The following GABRB2 variants were observed in gnomAD, a reference collection of about 807,000 sequenced individuals.
The protein encoded by GABRB2 is gamma-aminobutyric acid type A receptor subunit beta2.
A neutral mutation model predicts 54.7 loss-of-function variants in GABRB2; 16 were observed. That is an observed-to-expected ratio of 0.29 (90% CI 0.20 to 0.44). The LOEUF is 0.44. Ranked by LOEUF, GABRB2 falls within the 20% of genes least tolerant of loss-of-function variation. GABRB2 has a pLI of 1.00. For synonymous variants in GABRB2, 244 were observed against 233.8 expected, an observed-to-expected ratio of 1.04 and a Z score of -0.40; for missense variants, 355 against 644.0, an observed-to-expected ratio of 0.55 and a Z score of 4.86.
At chr5:161,337,317 C>A (rs970084787) in intron 5 of GABRB2, among the ~76,000 whole-genome samples, 1 of 152,028 alleles carries the variant, frequency 6.6e-6, no homozygotes, top group Non-Finnish European at 1.5e-5. Context: ...GAAGTGATTA[C>A]GAAGAAGAAT....
upstream of GABRB2, chr5:161,546,759 A>C: frequency 6.6e-7 from 1 of 1,512,574 alleles, no homozygotes. Flanking sequence ...AAAACATCAA[A>C]GGGGAAGCGG....
At chr5:161,303,884 C>T (rs1447317988) in intron 9 of GABRB2, among the ~76,000 whole-genome samples, 1 of 152,136 alleles carries the variant, frequency 6.6e-6, no homozygotes, top group Non-Finnish European at 1.5e-5. Flanking sequence ...TCTGCTAACT[C>T]CCTCCCCCAG....
At position 161,393,003 on chromosome 5, in the gene GABRB2, ATTC is replaced by A. The variant is rs138977795; in HGVS notation, c.541+17969_541+17971del. 3.8e-3 allele frequency among the ~76,000 whole-genome samples: 571 copies of A among 152,226 alleles called. 19 individuals carry two copies. The East Asian group carries it at 0.093, about 25-fold the overall frequency. On this transcript the variant is annotated intron_variant, in intron 5 of 9. Coordinates refer to ENST00000393959, the MANE Select transcript of GABRB2 (RefSeq NM_001371727.1). ...GTTAACAGTACAATTCTGGGAGAAA[ATTC>A]TTCTAACCGGGATGCAGAAATGACT... is the stretch of plus-strand genomic sequence containing the variant.
At chr5:161,424,076 C>A (rs1024588153) in intron 4 of GABRB2, among the ~76,000 whole-genome samples, 1 of 151,986 alleles carries the variant, frequency 6.6e-6, no homozygotes, top group African/African-American at 2.4e-5. Context: ...CTGCAGAAGG[C>A]AAGTTGGAAG....
Position 161,290,864 on chromosome 5 carries a change from T to G in GABRB2, c.*3217A>C, listed in dbSNP as rs1377871042. 1 of 152,576 alleles carries G rather than the reference T, an allele frequency of 6.6e-6. No individual in the cohort carries two copies. The highest frequency in any genetic ancestry group is 1.5e-5 in the Non-Finnish European group (1 of 67,998). 9.5% of individuals were successfully genotyped at this position (152,576 alleles called of 1,614,324 possible). A position where few individuals can be genotyped will look rare whatever the true frequency, so the allele number is the denominator to read the frequency against. ...CTGCTCTTTCTTTATGTGTTGTGCT[T>G]TTGTAAGCTGACAGATTTTTTTGTG... On this transcript the variant is annotated 3_prime_UTR_variant, in exon 10 of 10. Coordinates refer to ENST00000393959, the MANE Select transcript of GABRB2 (RefSeq NM_001371727.1).
intron 5 of GABRB2, among the ~76,000 whole-genome samples, chr5:161,361,541 T>C (rs755125036): frequency 6.6e-6 from 1 of 152,118 alleles, no homozygotes; most frequent in Non-Finnish European, 1.5e-5. Flanking sequence ...ATATTTTCTA[T>C]TTCTGTATAT....
At chr5:161,462,846 T>TAAA (rs1561659105) in intron 3 of GABRB2, among the ~76,000 whole-genome samples, 1 of 152,110 alleles carries the variant, frequency 6.6e-6, no homozygotes, top group Non-Finnish European at 1.5e-5. Flanking sequence ...TTAGTGCGCA[T>TAAA]AAAAAGAAAG....
At chr5:161,413,423 T>C (rs922027701) in intron 4 of GABRB2, among the ~76,000 whole-genome samples, 2 of 152,174 alleles carry the variant, frequency 1.3e-5, no homozygotes, top group African/African-American at 4.8e-5. Context: ...CAATGGGATT[T>C]ACCAAATTCT....
chr5:161,295,400 T>C (rs1237572467), intron 9 of GABRB2, among the ~76,000 whole-genome samples: 1 of 152,232 alleles, frequency 6.6e-6, no homozygotes, highest in South Asian at 2.1e-4. Flanking sequence ...TATGCCTTAT[T>C]TTTAAGAGGC....
chr5:161,411,959 ACATAGTAGACCCTTTAAAAATTTC>A (rs1305915886), intron 4 of GABRB2, among the ~76,000 whole-genome samples: 3 of 152,152 alleles, frequency 2.0e-5, no homozygotes, highest in Non-Finnish European at 2.9e-5. Flanking sequence ...AGTACTTGGC[ACATAGTAGACCCTTTAAAAATTTC>A]CATCTGCTGA....
intron 5 of GABRB2, among the ~76,000 whole-genome samples, chr5:161,384,976 A>G (rs1345952347): frequency 1.3e-5 from 2 of 152,108 alleles, no homozygotes; most frequent in Non-Finnish European, 2.9e-5. Flanking sequence ...CATCCTCTCA[A>G]AATAGAAGTT....
chr5:161,457,448 CT>C (rs199690111), intron 4 of GABRB2, among the ~76,000 whole-genome samples: 1,398 of 139,364 alleles, frequency 0.01, 9 homozygotes, highest in Middle Eastern at 0.034. Flanking sequence ...CCTCTCAATT[CT>C]TTTTTTTTTT....
At chr5:161,419,487 C>T (rs531259456) in intron 4 of GABRB2, among the ~76,000 whole-genome samples, 51 of 152,258 alleles carry the variant, frequency 3.3e-4, no homozygotes, top group East Asian at 5.8e-4. Context: ...TAAACCGCTA[C>T]GCCAAAAGGA....
chr5:161,523,201 T>C (rs1760171320), intron 3 of GABRB2, among the ~76,000 whole-genome samples: 1 of 151,520 alleles, frequency 6.6e-6, no homozygotes, highest in African/African-American at 2.4e-5. Context: ...GGTCTTTAAC[T>C]ACTATGAACT....
At chr5:161,326,071 C>G (rs1561608402) in intron 9 of GABRB2, among the ~76,000 whole-genome samples, 1 of 152,036 alleles carries the variant, frequency 6.6e-6, no homozygotes, top group East Asian at 1.9e-4. Context: ...CACTCTTGTC[C>G]TCTCAGTACA....
Position 161,343,574 on chromosome 5 carries a change from T to C in GABRB2, c.542-6805A>G, listed in dbSNP as rs973631619. On this transcript the variant is annotated intron_variant, in intron 5 of 9. Transcript: ENST00000393959. Reference sequence around the variant, plus strand: ...TGTTTCTACAAATTTGGCTCCACGATGTGTTTCTTAAATTTTCTTACGTAT... The same window carrying C: ...TGTTTCTACAAATTTGGCTCCACGACGTGTTTCTTAAATTTTCTTACGTAT... 2.0e-5 allele frequency among the ~76,000 whole-genome samples: 3 copies of C among 152,032 alleles called. No homozygotes were observed. The East Asian group carries it at 5.8e-4, about 29-fold the overall frequency.
chr5:161,529,253 A>C (rs1200946410), intron 3 of GABRB2, among the ~76,000 whole-genome samples: 1 of 152,010 alleles, frequency 6.6e-6, no homozygotes, highest in Non-Finnish European at 1.5e-5. Flanking sequence ...GTACTTCTAC[A>C]ATAGTACAGA....
At chr5:161,493,014 C>A (rs574918083) in intron 3 of GABRB2, among the ~76,000 whole-genome samples, 2 of 151,730 alleles carry the variant, frequency 1.3e-5, no homozygotes, top group African/African-American at 2.4e-5. Flanking sequence ...TGCACTAATG[C>A]CAGCATTTCT....
At chr5:161,335,556 C>T (rs896428780) in intron 6 of GABRB2, among the ~76,000 whole-genome samples, 1 of 152,016 alleles carries the variant, frequency 6.6e-6, no homozygotes, top group Non-Finnish European at 1.5e-5. Flanking sequence ...GGGCAATTAC[C>T]CTTTAATAAA....
Sources: gnomAD v4.1 joint callset for allele counts (sites outside exome capture counted in the v4.1 genomes callset) on GRCh38, gnomAD v4.1.1 for gene constraint, MANE v1.5 for transcripts, NCBI Gene and HGNC (gene_info 2026-07-23, HGNC 2026-07-21) for gene names.